SPECC1L: variants seen among roughly 807,000 people sequenced by gnomAD.
SPECC1L encodes the protein cytospin-A.
SPECC1L carries 40 observed loss-of-function variants against 116.8 expected under a neutral mutation model. The ratio of observed to expected loss-of-function variants is 0.34; its 90% confidence interval spans 0.27 to 0.45. The LOEUF is 0.45. SPECC1L is among the 20% of genes least tolerant of loss of function. The probability of loss-of-function intolerance (pLI) is 1.00; values close to 1 mark genes in which losing one functional copy is unlikely to be tolerated. For synonymous variants in SPECC1L, 504 were observed against 500.6 expected (o/e 1.01, Z -0.09); for missense variants, 1,110 against 1,373.6 (o/e 0.81, Z 3.03).
intron 14 of SPECC1L, among the ~76,000 whole-genome samples, chr22:24,400,992 T>TA (rs1478524500): frequency 6.6e-6 from 1 of 152,172 alleles, no homozygotes; most frequent in Non-Finnish European, 1.5e-5. Context: ...ATGAGAATGG[T>TA]AAAACAACCC....
chr22:24,290,521 CTCAG>C (rs1226986417), intron 2 of SPECC1L, among the ~76,000 whole-genome samples: 1 of 152,178 alleles, frequency 6.6e-6, no homozygotes, highest in Non-Finnish European at 1.5e-5. Context: ...AAAGTTGTGC[CTCAG>C]TCAGTAAGCA....
In SPECC1L at chr22:24,321,978, T is replaced by C. The variant is rs2146479190; in HGVS notation, c.998T>C (p.Leu333Pro). 1 of 1,614,166 alleles carries C rather than the reference T, an allele frequency of 6.2e-7. No homozygotes were observed. Residue 333 changes from leucine to proline, a missense_variant, in exon 5 of 17, where the codon CTA becomes CCA. By Grantham distance (98) the Leu-to-Pro change is moderately conservative. Transcript: ENST00000314328. The part of the protein sequence containing the change: ...EDLLSQDENT[L>P]MDHQHSNSMD... ...CTCTTGAGTCAGGATGAAAATACAC[T>C]AATGGACCATCAGCACAGTAACTCC...
intron 3 of SPECC1L, among the ~76,000 whole-genome samples, chr22:24,307,560 T>C (rs1378779512): frequency 6.6e-6 from 1 of 152,072 alleles, no homozygotes; most frequent in African/African-American, 2.4e-5. Flanking sequence ...AATTTATTAA[T>C]CTTTTCTTTA....
At chr22:24,395,119 C>T (rs901269439) in intron 14 of SPECC1L, among the ~76,000 whole-genome samples, 1 of 152,176 alleles carries the variant, frequency 6.6e-6, no homozygotes, top group African/African-American at 2.4e-5. Flanking sequence ...TGAGCCACAG[C>T]GCCTGGCCAG....
chr22:24,376,342 T>G (rs2041971667), intron 14 of SPECC1L, among the ~76,000 whole-genome samples: 1 of 152,092 alleles, frequency 6.6e-6, no homozygotes, highest in African/African-American at 2.4e-5. Context: ...TAGAAAACCT[T>G]TAAGAATTCA....
In SPECC1L at chr22:24,407,655, G is replaced by T. The variant is rs2146805378; in HGVS notation, c.3088-3933G>T. Among the ~76,000 whole-genome samples, 2 of 152,296 alleles carry T rather than the reference G, an allele frequency of 1.3e-5. 1 individual carries two copies. Among genetic ancestry groups the T allele is most frequent in the South Asian group, 4.1e-4 (2 of 4,824 alleles). ...CCACACGTTATTAAGAAGCTTCCTG[G>T]CCCCCTCTCCCTGCAAGGATGCCTC... is the stretch of plus-strand genomic sequence containing the variant. On this transcript the variant is annotated intron_variant, in intron 14 of 16. Coordinates refer to ENST00000314328, the MANE Select transcript of SPECC1L (RefSeq NM_015330.6).
chr22:24,302,935 A>G (rs2049410762), intron 3 of SPECC1L, among the ~76,000 whole-genome samples: 1 of 151,908 alleles, frequency 6.6e-6, no homozygotes, highest in Admixed American at 6.6e-5. Context: ...GTCCACGATG[A>G]TGATGATGAT....
At chr22:24,374,120 C>T (rs1469437215) in intron 14 of SPECC1L, among the ~76,000 whole-genome samples, 2 of 151,938 alleles carry the variant, frequency 1.3e-5, no homozygotes, top group Non-Finnish European at 2.9e-5. Flanking sequence ...AGTCAGGAAA[C>T]AACAGGTGCT....
At chr22:24,411,359 T>C (rs543444916) in intron 14 of SPECC1L, among the ~76,000 whole-genome samples, 29 of 152,286 alleles carry the variant, frequency 1.9e-4, no homozygotes, top group African/African-American at 7.0e-4. Flanking sequence ...CGCCACGTGT[T>C]ATACCAGGCC....
chr22:24,357,301 C>T (rs893528129), intron 11 of SPECC1L, among the ~76,000 whole-genome samples: 1 of 152,134 alleles, frequency 6.6e-6, no homozygotes, highest in Non-Finnish European at 1.5e-5. Flanking sequence ...CTGGCTCACA[C>T]CTGTAATCCC....
chr22:24,365,822 G>T (rs2041752412), intron 13 of SPECC1L, among the ~76,000 whole-genome samples, 190 bp downstream of exon 13: 1 of 148,574 alleles, frequency 6.7e-6, no homozygotes, highest in African/African-American at 2.5e-5. Context: ...AAAAATGATA[G>T]TTCCTTTCCT....
intron 14 of SPECC1L, among the ~76,000 whole-genome samples, chr22:24,370,653 G>T (rs556713727): frequency 2.4e-3 from 365 of 152,288 alleles, no homozygotes; most frequent in South Asian, 5.8e-3. Context: ...ATTCACAGTA[G>T]CCAAAAAGTG....
chr22:24,391,151 G>T (rs529811994), intron 14 of SPECC1L, among the ~76,000 whole-genome samples: 1 of 151,738 alleles, frequency 6.6e-6, no homozygotes, highest in Non-Finnish European at 1.5e-5. Context: ...CTGGGATTAC[G>T]GGTGTGAGCC....
intron 14 of SPECC1L, among the ~76,000 whole-genome samples, chr22:24,384,815 G>T (rs774087639): frequency 1.3e-5 from 2 of 152,126 alleles, no homozygotes; most frequent in African/African-American, 4.8e-5. Context: ...GGTGGCTCAC[G>T]CCTGTAATCC....
At chr22:24,293,175 G>T (rs1271462182) in intron 2 of SPECC1L, among the ~76,000 whole-genome samples, 13 of 152,306 alleles carry the variant, frequency 8.5e-5, no homozygotes, top group Admixed American at 2.0e-4. Context: ...ATTAGGGGAG[G>T]CTGGGCACAG....
At chr22:24,403,700 A>C (rs976071096) in intron 14 of SPECC1L, among the ~76,000 whole-genome samples, 1 of 152,240 alleles carries the variant, frequency 6.6e-6, no homozygotes, top group African/African-American at 2.4e-5. Context: ...TATGCACTGA[A>C]AACGCCACTT....
chr22:24,394,992 G>C (rs111663822), intron 14 of SPECC1L, among the ~76,000 whole-genome samples: 26 of 152,046 alleles, frequency 1.7e-4, no homozygotes, highest in Non-Finnish European at 3.1e-4. Context: ...AACCACACCT[G>C]GCTAACTTTT....
At chr22:24,303,135 T>C (rs2049415904) in intron 3 of SPECC1L, among the ~76,000 whole-genome samples, 1 of 152,184 alleles carries the variant, frequency 6.6e-6, no homozygotes, top group African/African-American at 2.4e-5. Context: ...AAACATGATC[T>C]GTTCATTCCA....
In SPECC1L at chr22:24,415,223, T is replaced by C; in HGVS notation, c.*600T>C. The C allele has an allele frequency of 6.1e-6, 1 of 162,740 alleles. No individual in the cohort carries two copies. The highest frequency in any genetic ancestry group is 1.6e-4 in the South Asian group (1 of 6,110). The allele number at this position is 162,740 out of a possible 1,614,324, so 10.1% of individuals were successfully genotyped here. ...CAATCCAGGCGTGTTCAGCCTGAGC[T>C]AGGAGAGTATCTAGAGGGCGTGGTG... On this transcript the variant is annotated 3_prime_UTR_variant, in exon 17 of 17. Transcript: ENST00000314328.
Sources: allele counts gnomAD v4.1 joint callset (sites outside exome capture counted in the v4.1 genomes callset), GRCh38; gene constraint gnomAD v4.1.1; transcripts MANE v1.5; gene names NCBI Gene and HGNC (gene_info 2026-07-23, HGNC 2026-07-21).